Variants in PREX2 observed in about 807,000 individuals in gnomAD.
The protein encoded by PREX2 is phosphatidylinositol 3,4,5-trisphosphate-dependent Rac exchanger 2 protein.
PREX2 carries 107 observed loss-of-function variants against 203.2 expected under a neutral mutation model. The ratio of observed to expected loss-of-function variants is 0.53; its 90% CI spans 0.45 to 0.62. The LOEUF is 0.62. Among genes scored for constraint, PREX2 ranks in the 20% least tolerant of loss-of-function variants. The probability of loss-of-function intolerance (pLI) is 0.00; values close to 1 mark genes in which losing one functional copy is unlikely to be tolerated. For synonymous variants in PREX2, 672 were observed against 663.6 expected, an observed-to-expected ratio of 1.01 and a Z score of -0.19; for missense variants, 1,777 against 1,955.9, an observed-to-expected ratio of 0.91 and a Z score of 1.72.
chr8:68,133,020 T>C (rs1436050331), intron 31 of PREX2, among the ~76,000 whole-genome samples: 1 of 152,164 alleles, frequency 6.6e-6, no homozygotes, highest in Non-Finnish European at 1.5e-5. Flanking sequence ...AGATTGTGGG[T>C]ACTTTATAAA....
At chr8:68,053,359 AT>A in intron 9 of PREX2, 113 bp downstream of exon 9, 1 of 1,148,018 alleles carries the variant, frequency 8.7e-7, no homozygotes, top group Non-Finnish European at 1.2e-6. Context: ...CACTTGATTT[AT>A]TAGGTTGGTG....
intron 7 of PREX2, among the ~76,000 whole-genome samples, chr8:68,039,785 G>A (rs1808140306): frequency 6.6e-6 from 1 of 152,092 alleles, no homozygotes; most frequent in South Asian, 2.1e-4. Context: ...TCCTGCATCT[G>A]CATTGAAAAC....
chr8:68,041,376 T>C (rs1808193254), intron 7 of PREX2, among the ~76,000 whole-genome samples: 1 of 152,124 alleles, frequency 6.6e-6, no homozygotes, highest in Non-Finnish European at 1.5e-5. Flanking sequence ...ATTTGGTAGC[T>C]ATGATGATGA....
Position 68,097,149 on chromosome 8 carries a change from A to G in PREX2, c.2501A>G (p.Asn834Ser). The G allele has an allele frequency of 1.2e-6, 2 of 1,613,990 alleles. No individual in the cohort carries two copies. The highest frequency in any genetic ancestry group is 1.1e-5 in the South Asian group (1 of 91,064). Residue 834 changes from asparagine (N) to serine (S), a missense_variant, in exon 22 of 40, where the codon AAT becomes AGT. Asn to Ser is a conservative substitution (Grantham distance 46, BLOSUM62 1). Coordinates refer to ENST00000288368, the MANE Select transcript of PREX2 (RefSeq NM_024870.4). The part of the protein sequence containing the change: ...EYDSTAGIKC[N>S]VVEKMIEPKG... Reference sequence around the variant, plus strand: ...GACAGCACAGCTGGCATCAAGTGCAATGTGGTGGAAAAGATGATTGAGCCC... The same window carrying G: ...GACAGCACAGCTGGCATCAAGTGCAGTGTGGTGGAAAAGATGATTGAGCCC...
At chr8:68,027,426 A>G in intron 5 of PREX2, 103 bp downstream of exon 5, 1 of 755,564 alleles carries the variant, frequency 1.3e-6, no homozygotes, top group Non-Finnish European at 2.2e-6. Context: ...TTCTAAAGGA[A>G]GCGTAGACCA....
chr8:68,003,909 C>T (rs1354591444), intron 1 of PREX2, among the ~76,000 whole-genome samples: 3 of 133,364 alleles, frequency 2.2e-5, no homozygotes, highest in African/African-American at 5.8e-5. Context: ...AGTGCAGTGG[C>T]GCAATCTCGG....
intron 35 of PREX2, among the ~76,000 whole-genome samples, chr8:68,158,691 A>T (rs1811596629): frequency 6.6e-6 from 1 of 152,162 alleles, no homozygotes; most frequent in African/African-American, 2.4e-5. Flanking sequence ...ACATAGCGCA[A>T]AGGGACTAGG....
chr8:68,100,172 A>G (rs767439496), intron 23 of PREX2: 6 of 479,894 alleles, frequency 1.3e-5, no homozygotes, highest in South Asian at 7.5e-5. Flanking sequence ...AAATTATACT[A>G]TAGTTCTTCT....
chr8:68,072,606 G>A, intron 14 of PREX2, 36 bp downstream of exon 14: 1 of 1,156,108 alleles, frequency 8.6e-7, no homozygotes, highest in Non-Finnish European at 1.3e-6. Context: ...AGTTTCACTT[G>A]CTGCTGCTTT....
intron 33 of PREX2, among the ~76,000 whole-genome samples, chr8:68,143,274 C>T (rs1025896558): frequency 4.6e-5 from 7 of 152,014 alleles, no homozygotes; most frequent in African/African-American, 1.7e-4. Context: ...CCCCCTGGTA[C>T]TGTCTTCATG....
chr8:68,187,543 A>T (rs1272746875), intron 35 of PREX2, among the ~76,000 whole-genome samples: 1 of 152,304 alleles, frequency 6.6e-6, no homozygotes, highest in Admixed American at 6.5e-5. Flanking sequence ...ACATCATGCT[A>T]TGTCAGGCAA....
At chr8:68,205,476 AT>A (rs1812604248) in intron 37 of PREX2, among the ~76,000 whole-genome samples, 5 of 152,198 alleles carry the variant, frequency 3.3e-5, no homozygotes, top group Non-Finnish European at 7.3e-5. Flanking sequence ...GGGAAAGTCA[AT>A]AGGTCAGCTG....
intron 15 of PREX2, among the ~76,000 whole-genome samples, chr8:68,079,291 C>A (rs1483824872): frequency 6.6e-6 from 1 of 152,180 alleles, no homozygotes; most frequent in Non-Finnish European, 1.5e-5. Flanking sequence ...AACCAAAGAT[C>A]AATAAAGCCA....
intron 1 of PREX2, among the ~76,000 whole-genome samples, chr8:67,961,741 G>A (rs1175512138): frequency 6.6e-6 from 1 of 152,202 alleles, no homozygotes; most frequent in East Asian, 1.9e-4. Context: ...TGATTTTTAA[G>A]CACTTCTAAT....
At chr8:68,203,726 TC>T (rs1310927138) in intron 37 of PREX2, among the ~76,000 whole-genome samples, 1 of 152,054 alleles carries the variant, frequency 6.6e-6, no homozygotes, top group Admixed American at 6.5e-5. Context: ...CACATCCCCG[TC>T]CTCTGTGCAC....
chr8:68,166,664 C>A (rs1295592995), intron 35 of PREX2, among the ~76,000 whole-genome samples: 1 of 152,178 alleles, frequency 6.6e-6, no homozygotes, highest in Non-Finnish European at 1.5e-5. Context: ...GCCTTGATAT[C>A]TGACAAAATA....
chr8:68,151,069 A>G (rs1811424129), intron 34 of PREX2, among the ~76,000 whole-genome samples: 1 of 152,136 alleles, frequency 6.6e-6, no homozygotes, highest in Non-Finnish European at 1.5e-5. Flanking sequence ...ATTTGGGCCT[A>G]TCATAATTCA....
At chr8:68,030,181 A>G (rs1325835997) in intron 5 of PREX2, among the ~76,000 whole-genome samples, 1 of 152,144 alleles carries the variant, frequency 6.6e-6, no homozygotes, top group Non-Finnish European at 1.5e-5. Context: ...CTTCTGTTAG[A>G]ACAAAAGTCA....
chr8:68,137,807 G>A (rs1811143192), intron 32 of PREX2, among the ~76,000 whole-genome samples: 2 of 152,188 alleles, frequency 1.3e-5, no homozygotes, highest in Admixed American at 6.5e-5. Context: ...AGAATGAGAC[G>A]AATGATTAAA....
Sources: gnomAD v4.1 joint callset for allele counts (sites outside exome capture counted in the v4.1 genomes callset) on GRCh38, gnomAD v4.1.1 for gene constraint, MANE v1.5 for transcripts, NCBI Gene and HGNC (gene_info 2026-07-23, HGNC 2026-07-21) for gene names.